The following OSBPL6 variants were observed in gnomAD, a reference collection of about 807,000 sequenced individuals.
OSBPL6 encodes the protein oxysterol binding protein like 6.
OSBPL6 carries 49 observed loss-of-function variants against 125.8 expected under a neutral mutation model. The ratio of observed to expected loss-of-function variants is 0.39; its 90% confidence interval spans 0.31 to 0.49. The LOEUF (loss-of-function observed/expected upper bound fraction) is 0.49, where lower values mean the gene tolerates loss of function less well. Ranked by LOEUF, OSBPL6 falls within the 20% of genes least tolerant of loss-of-function variation. OSBPL6 has a pLI of 0.88. For synonymous variants in OSBPL6, 394 were observed against 391.8 expected (o/e 1.01, Z -0.07); for missense variants, 986 against 1,135.4 (o/e 0.87, Z 1.89).
chr2:178,294,823 C>T lies in OSBPL6; in HGVS notation c.-156+9702C>T, dbSNP rs76271966. ...TTTGAAATATATAGACTTGAGGGCACGGCTGAATTGAGCTAATTAACATGT... is the reference window on the plus strand; with the variant it reads ...TTTGAAATATATAGACTTGAGGGCATGGCTGAATTGAGCTAATTAACATGT... On this transcript the variant is annotated intron_variant, in intron 2 of 24. Coordinates refer to ENST00000190611, the MANE Select transcript of OSBPL6 (RefSeq NM_032523.4). Among the ~76,000 whole-genome samples, 1,316 of 147,710 alleles carry T rather than the reference C, an allele frequency of 8.9e-3. 22 individuals carry two copies. Among genetic ancestry groups the T allele is most frequent in the African/African-American group, 0.031 (1,247 of 40,164 alleles).
chr2:178,363,932 T>C (rs1366687738), intron 13 of OSBPL6, among the ~76,000 whole-genome samples: 1 of 152,224 alleles, frequency 6.6e-6, no homozygotes, highest in Non-Finnish European at 1.5e-5. Flanking sequence ...TCCCAGCATT[T>C]TGGTGATGTT....
chr2:178,268,187 T>G (rs2092293054), intron 1 of OSBPL6, among the ~76,000 whole-genome samples: 1 of 152,026 alleles, frequency 6.6e-6, no homozygotes, highest in African/African-American at 2.4e-5. Context: ...GTTCAAGCGT[T>G]TCTTCTGCCT....
chr2:178,311,887 G>A (rs1687304801), intron 3 of OSBPL6, among the ~76,000 whole-genome samples: 1 of 152,240 alleles, frequency 6.6e-6, no homozygotes. Flanking sequence ...CAAAAGCAGA[G>A]AGTTGGGAGC....
Position 178,392,402 on chromosome 2 carries a change from C to T in OSBPL6, c.2447-10C>T. The T allele has an allele frequency of 1.9e-6, 3 of 1,613,702 alleles. No homozygotes were observed. Among genetic ancestry groups the T allele is most frequent in the Non-Finnish European group, 2.5e-6 (3 of 1,179,706 alleles). ...CTGCCTCTCACAGTGGTTCATTGGC[C>T]TCTTTCCAGGTTCCATGCCAACAAA... On this transcript the variant is annotated splice_polypyrimidine_tract_variant and intron_variant, in intron 22 of 24. Coordinates refer to ENST00000190611, the MANE Select transcript of OSBPL6 (RefSeq NM_032523.4).
At chr2:178,367,081 T>C (rs906065656) in intron 13 of OSBPL6, among the ~76,000 whole-genome samples, 1 of 152,142 alleles carries the variant, frequency 6.6e-6, no homozygotes, top group African/African-American at 2.4e-5. Context: ...ATTAAAATTA[T>C]GTGTGTGAAG....
chr2:178,373,785 C>G (rs1298904147), intron 14 of OSBPL6, 105 bp from the exon 15 acceptor site: 2 of 1,409,036 alleles, frequency 1.4e-6, no homozygotes, highest in Non-Finnish European at 1.9e-6. Flanking sequence ...GTGGCTGCCA[C>G]TTTTTAACAT....
chr2:178,327,226 G>A (rs1357449622), intron 4 of OSBPL6, among the ~76,000 whole-genome samples: 2 of 152,164 alleles, frequency 1.3e-5, no homozygotes, highest in Non-Finnish European at 1.5e-5. Flanking sequence ...TCTGAGTTTA[G>A]TCAGAAGAAA....
intron 15 of OSBPL6, among the ~76,000 whole-genome samples, chr2:178,375,207 G>C (rs993754791): frequency 6.6e-6 from 1 of 152,026 alleles, no homozygotes; most frequent in African/African-American, 2.4e-5. Flanking sequence ...TAAACTTAAG[G>C]CTACAGGGCC....
chr2:178,273,089 T>A (rs2092403413), intron 1 of OSBPL6, among the ~76,000 whole-genome samples: 1 of 152,128 alleles, frequency 6.6e-6, no homozygotes, highest in South Asian at 2.1e-4. Flanking sequence ...GGGAGACTGT[T>A]CTAGGTAGAG....
At chr2:178,228,025 AAAG>A in intron 1 of OSBPL6, among the ~76,000 whole-genome samples, 1 of 152,312 alleles carries the variant, frequency 6.6e-6, no homozygotes, top group South Asian at 2.1e-4. Context: ...AGGTAGAATA[AAAG>A]AAGAAAAAAA....
rs199549668 is a variant in OSBPL6, at chr2:178,261,174, CA to C, written c.-350-23746del. ...ACAAAACAAAACAACAACAACAAAA[CA>C]AAAAAACCCCTGATGCTTATCTATA... On this transcript the variant is annotated intron_variant, in intron 1 of 24. Transcript: ENST00000190611. 4.0e-5 allele frequency among the ~76,000 whole-genome samples: 6 copies of C among 151,770 alleles called. No homozygotes were observed. In the South Asian group the frequency reaches 1.0e-3, roughly 26 times the overall value.
Position 178,383,056 on chromosome 2 carries a change from C to T in OSBPL6, c.1654C>T (p.Arg552Ter). 3 of 1,614,158 alleles carry T rather than the reference C, an allele frequency of 1.9e-6. No homozygotes were observed. Among genetic ancestry groups the T allele is most frequent in the African/African-American group, 1.3e-5 (1 of 75,050 alleles). The change falls in exon 17 of 25, where the codon CGA becomes TGA. Residue 552 changes from arginine (R) to a stop codon, truncating the protein, a stop_gained. Transcript: ENST00000190611. LOFTEE classifies it high-confidence loss of function. ...LNGELTGGAF[R>*]NGRRACLPAP... Reference sequence around the variant, plus strand: ...TGGGGAGCTTACAGGAGGGGCCTTCCGAAATGGGCGTCGAGCATGCCTGCC... The same window carrying T: ...TGGGGAGCTTACAGGAGGGGCCTTCTGAAATGGGCGTCGAGCATGCCTGCC...
chr2:178,395,997 C>T lies in OSBPL6; in HGVS notation c.*438C>T, dbSNP rs950640491. 1 of 347,352 alleles carries T rather than the reference C, an allele frequency of 2.9e-6. No homozygotes were observed. The highest frequency in any genetic ancestry group is 5.6e-6 in the Non-Finnish European group (1 of 178,616). The allele number at this position is 347,352 out of a possible 1,614,324, so 21.5% of individuals were successfully genotyped here. A position where few individuals can be genotyped will look rare whatever the true frequency, so the allele number is the denominator to read the frequency against. ...GCAGGACTCCTGGGCCACAAGCAGT[C>T]GGTCAGTGCAGACTTCAAGTGTGTC... On this transcript the variant is annotated 3_prime_UTR_variant, in exon 25 of 25. Coordinates refer to ENST00000190611, the MANE Select transcript of OSBPL6 (RefSeq NM_032523.4).
At chr2:178,348,235 G>T (rs560229388) in intron 11 of OSBPL6, among the ~76,000 whole-genome samples, 2 of 152,332 alleles carry the variant, frequency 1.3e-5, no homozygotes, top group African/African-American at 4.8e-5. Context: ...GTTAGCCAGG[G>T]GGTGTGAATT....
At chr2:178,257,381 A>G (rs1413303890) in intron 1 of OSBPL6, among the ~76,000 whole-genome samples, 1 of 152,252 alleles carries the variant, frequency 6.6e-6, no homozygotes, top group Non-Finnish European at 1.5e-5. Context: ...AATGAATCAT[A>G]TAGTATACTT....
At chr2:178,290,117 G>T (rs1256756501) in intron 2 of OSBPL6, among the ~76,000 whole-genome samples, 1 of 152,106 alleles carries the variant, frequency 6.6e-6, no homozygotes, top group South Asian at 2.1e-4. Flanking sequence ...GTCATTAGGG[G>T]TTATAAAAAT....
intron 11 of OSBPL6, among the ~76,000 whole-genome samples, chr2:178,348,789 A>T (rs1574936905): frequency 6.6e-6 from 1 of 152,230 alleles, no homozygotes; most frequent in Non-Finnish European, 1.5e-5. Context: ...TGAATCTTCC[A>T]GTATATGCAT....
At chr2:178,275,348 C>T (rs1433955696) in intron 1 of OSBPL6, among the ~76,000 whole-genome samples, 2 of 151,966 alleles carry the variant, frequency 1.3e-5, no homozygotes, top group African/African-American at 4.8e-5. Flanking sequence ...CCCGTCTCTA[C>T]TAAAACTACA....
intron 4 of OSBPL6, among the ~76,000 whole-genome samples, chr2:178,327,404 C>T (rs949414250): frequency 3.3e-5 from 5 of 151,966 alleles, no homozygotes; most frequent in Non-Finnish European, 7.4e-5. Flanking sequence ...ATGGATGGGG[C>T]TACTGAAAAT....
Sources: allele counts gnomAD v4.1 joint callset (sites outside exome capture counted in the v4.1 genomes callset), GRCh38; gene constraint gnomAD v4.1.1; transcripts MANE v1.5; gene names NCBI Gene and HGNC (gene_info 2026-07-23, HGNC 2026-07-21).